RGS22: variants seen among roughly 807,000 people sequenced by gnomAD.
The protein encoded by RGS22 is regulator of G-protein signaling 22.
RGS22 carries 148 observed loss-of-function variants against 172.9 expected under a neutral mutation model. The ratio of observed to expected loss-of-function variants is 0.86; its 90% CI spans 0.75 to 0.98. The LOEUF (loss-of-function observed/expected upper bound fraction) is 0.98, where lower values mean the gene tolerates loss of function less well. Ranked by LOEUF, RGS22 falls within the 50% of genes least tolerant of loss-of-function variation. The probability of loss-of-function intolerance (pLI) is 0.00; values close to 1 mark genes in which losing one functional copy is unlikely to be tolerated. For synonymous variants in RGS22, 458 were observed against 480.2 expected (o/e 0.95, Z 0.60); for missense variants, 1,347 against 1,440.8 (o/e 0.93, Z 1.05).
In RGS22 at chr8:100,063,725, A is replaced by G. The variant is rs773524280; in HGVS notation, c.1043T>C (p.Ile348Thr). The change falls in exon 8 of 28, where the codon ATA becomes ACA. Residue 348 changes from isoleucine to threonine, a missense_variant. Transcript: ENST00000360863. ...ETPDYINFNN[I>T]TKVSFDDCFE... ...ACAATCATCAAATGACACTTTTGTTATATTGTTGAAGTTTATATAGTCTGG... is the reference window on the plus strand; with the variant it reads ...ACAATCATCAAATGACACTTTTGTTGTATTGTTGAAGTTTATATAGTCTGG... The G allele has an allele frequency of 6.2e-7, 1 of 1,613,988 alleles. No homozygotes were observed. The highest frequency in any genetic ancestry group is 8.5e-7 in the Non-Finnish European group (1 of 1,179,942).
rs1588957970 is a variant in RGS22, at chr8:100,006,175, A to G, written c.2362-66T>C. On this transcript the variant is annotated intron_variant, in intron 15 of 27. Coordinates refer to ENST00000360863, the MANE Select transcript of RGS22 (RefSeq NM_015668.5). Reference sequence around the variant, plus strand: ...ACAATTTGCTAGTAACAGTGGGCTGAAAAACAAATACAGTTGCCAATAAAG... The same window carrying G: ...ACAATTTGCTAGTAACAGTGGGCTGGAAAACAAATACAGTTGCCAATAAAG... 2.4e-5 allele frequency: 30 copies of G among 1,250,508 alleles called. No individual in the cohort carries two copies. In the South Asian group the frequency reaches 2.6e-4, roughly 11 times the overall value. 77.5% of individuals were successfully genotyped at this position (1,250,508 alleles called of 1,614,324 possible). A position where few individuals can be genotyped will look rare whatever the true frequency, so the allele number is the denominator to read the frequency against.
Position 100,070,288 on chromosome 8 carries a change from TCTCA to T in RGS22, c.594+1077_594+1080del, listed in dbSNP as rs949599992. 5.4e-4 allele frequency among the ~76,000 whole-genome samples: 82 copies of T among 152,252 alleles called. 1 individual carries two copies. Among genetic ancestry groups the T allele is most frequent in the Admixed American group, 5.2e-3 (80 of 15,282 alleles). On this transcript the variant is annotated intron_variant, in intron 6 of 27. Transcript: ENST00000360863. Reference sequence around the variant, plus strand: ...TGTAAAATTTTTATCAATCCTTTGCTCTCACTCTTCTAGACATATTGAGAAAATG... The same window carrying T: ...TGTAAAATTTTTATCAATCCTTTGCTCTCTTCTAGACATATTGAGAAAATG...
At chr8:100,079,049 G>T (rs1324195858) in intron 4 of RGS22, among the ~76,000 whole-genome samples, 1 of 152,178 alleles carries the variant, frequency 6.6e-6, no homozygotes, top group Non-Finnish European at 1.5e-5. Context: ...AGATCTTTTT[G>T]AGAAACTTGT....
chr8:99,995,059 C>T (rs1419279847), intron 20 of RGS22, among the ~76,000 whole-genome samples: 4 of 152,122 alleles, frequency 2.6e-5, no homozygotes, highest in Admixed American at 6.5e-5. Flanking sequence ...AACTGGCTAG[C>T]CATATGTAGA....
intron 3 of RGS22, 70 bp from the exon 4 acceptor site, chr8:100,080,425 G>T: frequency 8.9e-7 from 1 of 1,126,254 alleles, no homozygotes; most frequent in Non-Finnish European, 1.3e-6. Context: ...AAGAAGACTT[G>T]TGGTTTACAT....
At chr8:100,088,087 ACTCT>A (rs573891097) in intron 3 of RGS22, among the ~76,000 whole-genome samples, 14 of 151,994 alleles carry the variant, frequency 9.2e-5, no homozygotes, top group South Asian at 2.1e-4. Flanking sequence ...CCCAAAATAT[ACTCT>A]CTCTTTCTCC....
chr8:100,034,908 A>T (rs1819271485), intron 14 of RGS22, among the ~76,000 whole-genome samples: 1 of 152,238 alleles, frequency 6.6e-6, no homozygotes, highest in Admixed American at 6.5e-5. Context: ...AGCCATATGT[A>T]AAAAGCTGAA....
At chr8:100,084,476 A>C (rs1812021074) in intron 3 of RGS22, among the ~76,000 whole-genome samples, 1 of 152,268 alleles carries the variant, frequency 6.6e-6, no homozygotes, top group African/African-American at 2.4e-5. Context: ...TGTTTATAAT[A>C]AAATGGCATG....
intron 3 of RGS22, among the ~76,000 whole-genome samples, chr8:100,081,367 T>TAC (rs1008649562): frequency 4.7e-5 from 7 of 147,774 alleles, no homozygotes; most frequent in African/African-American, 1.7e-4. Flanking sequence ...TGTATGTATA[T>TAC]ATATATATAT....
chr8:99,993,121 G>A (rs181811491), intron 20 of RGS22, among the ~76,000 whole-genome samples: 2 of 152,278 alleles, frequency 1.3e-5, no homozygotes, highest in African/African-American at 4.8e-5. Flanking sequence ...AAAGCAGTGT[G>A]TAGAGGGAAA....
At position 100,041,860 on chromosome 8, in the gene RGS22, A is replaced by G. The variant is rs755111621; in HGVS notation, c.1880T>C (p.Ile627Thr). 2.5e-6 allele frequency: 4 copies of G among 1,613,418 alleles called. No individual in the cohort carries two copies. The South Asian group carries it at 4.4e-5, about 18-fold the overall frequency. ...KVIHLTSFTDISECLKPQLDR... is the reference protein window; with the variant it reads ...KVIHLTSFTDTSECLKPQLDR... ...CAGCTGGGGCTTGAGACATTCAGAA[A>G]TGTCAGTAAAAGATGTTAAATGAAT... Residue 627 changes from isoleucine to threonine, a missense_variant, in exon 12 of 28, where the codon ATT becomes ACT. Transcript: ENST00000360863.
At chr8:100,018,506 G>A (rs1334299544) in intron 14 of RGS22, among the ~76,000 whole-genome samples, 9 of 152,138 alleles carry the variant, frequency 5.9e-5, no homozygotes, top group Admixed American at 2.0e-4. Context: ...TCTAAATAGC[G>A]TTAAAATGAA....
At position 100,006,109 on chromosome 8, in the gene RGS22, C is replaced by A. The variant is rs371240281; in HGVS notation, c.2362G>T (p.Val788Leu). Residue 788 changes from valine (V) to leucine (L), a missense_variant and splice_region_variant, in exon 16 of 28, where the codon GTG becomes TTG. Coordinates refer to ENST00000360863, the MANE Select transcript of RGS22 (RefSeq NM_015668.5). ...VKSDQIAYKK[V>L]ELVEETRQLD... ...TGTCGAGTTTCTTCCACCAGCTCCACCTAAAAAAAATAAATAAAGCTTGTG... is the reference window on the plus strand; with the variant it reads ...TGTCGAGTTTCTTCCACCAGCTCCAACTAAAAAAAATAAATAAAGCTTGTG... 1 of 1,608,334 alleles carries A rather than the reference C, an allele frequency of 6.2e-7. No individual in the cohort carries two copies. Among genetic ancestry groups the A allele is most frequent in the African/African-American group, 1.3e-5 (1 of 74,574 alleles).
intron 9 of RGS22, among the ~76,000 whole-genome samples, chr8:100,057,525 T>C (rs1429504369): frequency 2.0e-5 from 3 of 152,114 alleles, no homozygotes; most frequent in Non-Finnish European, 4.4e-5. Flanking sequence ...TGGGAGGTAA[T>C]GGAATCGTGT....
chr8:100,093,544 A>G (rs779508952), intron 2 of RGS22, 35 bp from the exon 3 acceptor site: 3 of 1,388,228 alleles, frequency 2.2e-6, no homozygotes, highest in Non-Finnish European at 3.0e-6. Context: ...CAGTATTATA[A>G]TTATACATTT....
At position 100,062,670 on chromosome 8, in the gene RGS22, G is replaced by T; in HGVS notation, c.1435C>A (p.Leu479Met). 1 of 1,599,980 alleles carries T rather than the reference G, an allele frequency of 6.3e-7. No homozygotes were observed. Among genetic ancestry groups the T allele is most frequent in the Non-Finnish European group, 8.5e-7 (1 of 1,173,218 alleles). Reference protein sequence around the residue: ...LSAEILSKFKLLDGSQWNEEH... With the variant: ...LSAEILSKFKMLDGSQWNEEH... ...TCATTCCACTGTGATCCATCTAACA[G>T]TTTAAATTTTGATAAGATTTCTGCA... Residue 479 changes from leucine to methionine, a missense_variant, in exon 9 of 28, where the codon CTG becomes ATG. By Grantham distance (15) the Leu-to-Met change is conservative. Coordinates refer to ENST00000360863, the MANE Select transcript of RGS22 (RefSeq NM_015668.5).
chr8:100,001,219 T>TATATATATATACAC (rs1402594104), intron 18 of RGS22, among the ~76,000 whole-genome samples: 25 of 132,964 alleles, frequency 1.9e-4, no homozygotes, highest in African/African-American at 6.8e-4. Flanking sequence ...TATATATATA[T>TATATATATATACAC]ACATATATAT....
At position 100,072,227 on chromosome 8, in the gene RGS22, G is replaced by C. The variant is rs1230189102; in HGVS notation, c.343C>G (p.Leu115Val). 3.2e-6 allele frequency: 5 copies of C among 1,565,354 alleles called. No homozygotes were observed. In the South Asian group the frequency reaches 3.5e-5, roughly 11 times the overall value. Residue 115 changes from leucine to valine, a missense_variant, in exon 5 of 28, where the codon CTC becomes GTC. Transcript: ENST00000360863. ...CACTTAATACCTTCTTCACGACTGA[G>C]ACACTATGAGAAGAAAGAGAAAAAG... is the stretch of plus-strand genomic sequence containing the variant. The part of the protein sequence containing the change: ...TINVNYNIMC[L>V]SREEGIKWIK...
At chr8:100,050,578 T>A (rs944132188) in intron 10 of RGS22, among the ~76,000 whole-genome samples, 2 of 152,204 alleles carry the variant, frequency 1.3e-5, no homozygotes, top group African/African-American at 4.8e-5. Flanking sequence ...TGTATGTGAC[T>A]ATATGGCCAA....
Sources: allele counts gnomAD v4.1 joint callset (sites outside exome capture counted in the v4.1 genomes callset), GRCh38; gene constraint gnomAD v4.1.1; transcripts MANE v1.5; gene names NCBI Gene and HGNC (gene_info 2026-07-23, HGNC 2026-07-21).